The following FNBP1L variants were observed in gnomAD, a reference collection of about 807,000 sequenced individuals.
FNBP1L encodes the protein formin-binding protein 1-like.
FNBP1L carries 36 observed loss-of-function variants against 91.2 expected under a neutral mutation model. The ratio of observed to expected loss-of-function variants is 0.39; its 90% confidence interval spans 0.30 to 0.52. The LOEUF (loss-of-function observed/expected upper bound fraction) is 0.52. Ranked by LOEUF, FNBP1L falls within the 20% of genes least tolerant of loss-of-function variation. The pLI, the probability that FNBP1L is intolerant of heterozygous loss-of-function variation, is 0.66. For synonymous variants in FNBP1L, 242 were observed against 237.0 expected (o/e 1.02, Z -0.19); for missense variants, 571 against 732.1 (o/e 0.78, Z 2.54).
intron 2 of FNBP1L, among the ~76,000 whole-genome samples, chr1:93,513,655 C>T (rs1670949887): frequency 1.3e-5 from 2 of 152,112 alleles, no homozygotes; most frequent in Non-Finnish European, 2.9e-5. Context: ...ATAAACAGAA[C>T]CAATGACAAA....
chr1:93,490,479 C>G (rs545907240), intron 1 of FNBP1L, among the ~76,000 whole-genome samples: 1 of 152,110 alleles, frequency 6.6e-6, no homozygotes, highest in African/African-American at 2.4e-5. Context: ...TAAATTAGAG[C>G]TCACCACTGA....
intron 11 of FNBP1L, chr1:93,543,773 G>A (rs1242076096): frequency 6.2e-6 from 1 of 161,380 alleles, no homozygotes; most frequent in East Asian, 1.7e-4. Flanking sequence ...GCTGTAAGAA[G>A]GTTTACATGT....
intron 16 of FNBP1L, chr1:93,551,329 T>G (rs1672408056): frequency 8.3e-7 from 1 of 1,210,378 alleles, no homozygotes; most frequent in African/African-American, 1.5e-5. Context: ...AACGTTGGTG[T>G]GAAGCTTAAT....
intron 4 of FNBP1L, 53 bp downstream of exon 4, chr1:93,523,544 G>C: frequency 1.4e-6 from 2 of 1,471,964 alleles, no homozygotes; most frequent in South Asian, 1.4e-5. Context: ...TAGTCACACA[G>C]AAACACTTTG....
At chr1:93,513,458 C>T (rs1198112055) in intron 2 of FNBP1L, among the ~76,000 whole-genome samples, 1 of 152,094 alleles carries the variant, frequency 6.6e-6, no homozygotes, top group East Asian at 1.9e-4. Flanking sequence ...CGGGCAGAGA[C>T]ACAACCAGAA....
At chr1:93,533,262 TAAAA>T (rs10541830) in intron 8 of FNBP1L, among the ~76,000 whole-genome samples, 194 bp downstream of exon 8, 2,258 of 142,140 alleles carry the variant, frequency 0.016, 27 homozygotes, top group Non-Finnish European at 0.025. Flanking sequence ...AATTCTTTCT[TAAAA>T]AAAAAAAAAA....
intron 2 of FNBP1L, among the ~76,000 whole-genome samples, chr1:93,506,172 T>C (rs1670605115): frequency 6.6e-6 from 1 of 152,244 alleles, no homozygotes. Flanking sequence ...GTCATACTGC[T>C]AGAAGGCTTG....
intron 14 of FNBP1L, among the ~76,000 whole-genome samples, chr1:93,547,879 T>C (rs1200790225): frequency 6.6e-6 from 1 of 152,172 alleles, no homozygotes; most frequent in Non-Finnish European, 1.5e-5. Context: ...GTACCACTTG[T>C]GACATTTCTT....
At chr1:93,455,969 A>G (rs1315376984) in intron 1 of FNBP1L, among the ~76,000 whole-genome samples, 1 of 152,198 alleles carries the variant, frequency 6.6e-6, no homozygotes, top group Admixed American at 6.5e-5. Context: ...GCCGTCGGGC[A>G]TTGTGAGATG....
chr1:93,542,111 G>T (rs1672065930), intron 11 of FNBP1L, among the ~76,000 whole-genome samples: 1 of 151,180 alleles, frequency 6.6e-6, no homozygotes, highest in South Asian at 2.1e-4. Flanking sequence ...TTTATTTTTG[G>T]CATATATATA....
chr1:93,525,571 A>T (rs1049536283), intron 5 of FNBP1L, among the ~76,000 whole-genome samples: 4 of 152,154 alleles, frequency 2.6e-5, no homozygotes, highest in African/African-American at 9.7e-5. Flanking sequence ...TCATTTGCAC[A>T]AAATAACATA....
chr1:93,542,760 TTTTTC>T (rs994613330), intron 11 of FNBP1L, among the ~76,000 whole-genome samples: 9 of 150,986 alleles, frequency 6.0e-5, no homozygotes, highest in Non-Finnish European at 1.2e-4. Context: ...TTTATATTCT[TTTTTC>T]TTTTCTTTAC....
At chr1:93,483,544 T>C (rs904096359) in intron 1 of FNBP1L, among the ~76,000 whole-genome samples, 19 of 152,210 alleles carry the variant, frequency 1.2e-4, no homozygotes, top group Non-Finnish European at 2.8e-4. Flanking sequence ...ACTACATTAA[T>C]CATAATTTCT....
At chr1:93,473,524 G>C (rs1242260624) in intron 1 of FNBP1L, among the ~76,000 whole-genome samples, 2 of 152,160 alleles carry the variant, frequency 1.3e-5, no homozygotes, top group Non-Finnish European at 2.9e-5. Flanking sequence ...TAATCCTCTA[G>C]TGGGGGTCGT....
At chr1:93,452,134 G>C (rs938117762) in intron 1 of FNBP1L, among the ~76,000 whole-genome samples, 2 of 152,154 alleles carry the variant, frequency 1.3e-5, no homozygotes, top group Non-Finnish European at 2.9e-5. Flanking sequence ...CATTGTAAGT[G>C]ACTAGATTGT....
intron 1 of FNBP1L, among the ~76,000 whole-genome samples, chr1:93,475,365 A>T (rs1486317376): frequency 6.6e-6 from 1 of 151,916 alleles, no homozygotes; most frequent in Non-Finnish European, 1.5e-5. Flanking sequence ...ACGTAGAGAG[A>T]CACCTTCGTC....
chr1:93,510,331 C>A (rs1287045420), intron 2 of FNBP1L, among the ~76,000 whole-genome samples: 1 of 152,066 alleles, frequency 6.6e-6, no homozygotes. Flanking sequence ...CTGGGAGGCA[C>A]CCCCCAGCAG....
intron 1 of FNBP1L, among the ~76,000 whole-genome samples, chr1:93,459,702 C>T (rs1056130997): frequency 6.6e-6 from 1 of 152,144 alleles, no homozygotes; most frequent in African/African-American, 2.4e-5. Flanking sequence ...GCCATATGGC[C>T]TAGCATCCCA....
At chr1:93,537,972 C>T (rs1024517137) in intron 10 of FNBP1L, among the ~76,000 whole-genome samples, 1 of 152,088 alleles carries the variant, frequency 6.6e-6, no homozygotes, top group Non-Finnish European at 1.5e-5. Context: ...GGATTACAGG[C>T]ATGAACCACT....
Sources: gnomAD v4.1 joint callset for allele counts (sites outside exome capture counted in the v4.1 genomes callset) on GRCh38, gnomAD v4.1.1 for gene constraint, MANE v1.5 for transcripts, NCBI Gene and HGNC (gene_info 2026-07-23, HGNC 2026-07-21) for gene names.